The following RXFP2 variants were observed in gnomAD, a reference collection of about 807,000 sequenced individuals.
RXFP2 encodes relaxin receptor 2.
In RXFP2, 68 loss-of-function variants were observed where a neutral mutation model predicts 88.6. The ratio of observed to expected loss-of-function variants is 0.77; its 90% CI spans 0.63 to 0.94. The LOEUF is 0.94. Among genes scored for constraint, RXFP2 ranks in the 40% least tolerant of loss-of-function variants. The pLI, the probability that RXFP2 is intolerant of heterozygous loss-of-function variation, is 0.00. For missense variants in RXFP2, 791 were observed against 893.9 expected (o/e 0.88, Z 1.47); for synonymous variants, 329 against 306.8 (o/e 1.07, Z -0.76).
intron 2 of RXFP2, among the ~76,000 whole-genome samples, chr13:31,760,734 T>C (rs9549009): frequency 0.5 from 76,282 of 151,710 alleles, 19,972 homozygotes; most frequent in Admixed American, 0.6. Flanking sequence ...TTTTAATTGA[T>C]TTAGGTATTT....
intron 5 of RXFP2, among the ~76,000 whole-genome samples, chr13:31,768,022 C>G (rs987139601): frequency 2.0e-5 from 3 of 152,134 alleles, no homozygotes; most frequent in Admixed American, 6.6e-5. Flanking sequence ...CCTCTGTGGT[C>G]CCAGGCCCTG....
At chr13:31,789,338 C>A in intron 14 of RXFP2, 145 bp downstream of exon 14, 1 of 678,202 alleles carries the variant, frequency 1.5e-6, no homozygotes, top group South Asian at 1.6e-5. Context: ...CACCTTTGGT[C>A]CCTGTTCAAA....
intron 14 of RXFP2, among the ~76,000 whole-genome samples, chr13:31,789,741 C>G (rs1873710448): frequency 6.6e-6 from 1 of 152,150 alleles, no homozygotes; most frequent in African/African-American, 2.4e-5. Flanking sequence ...ACTGTGTAAT[C>G]TATGTGTTCA....
chr13:31,792,206 AG>A, intron 15 of RXFP2, among the ~76,000 whole-genome samples, 171 bp downstream of exon 15: 1 of 151,878 alleles, frequency 6.6e-6, no homozygotes, highest in East Asian at 1.9e-4. Flanking sequence ...GCTTTGTTTT[AG>A]GTTGTATGAC....
chr13:31,780,845 AC>A (rs1873233475), intron 9 of RXFP2, among the ~76,000 whole-genome samples: 2 of 152,180 alleles, frequency 1.3e-5, no homozygotes, highest in South Asian at 4.1e-4. Flanking sequence ...CAATGGGCGA[AC>A]TTGCTGAGAC....
At chr13:31,780,911 A>C (rs1286994018) in intron 9 of RXFP2, among the ~76,000 whole-genome samples, 1 of 152,198 alleles carries the variant, frequency 6.6e-6, no homozygotes, top group Non-Finnish European at 1.5e-5. Context: ...CTTGGGCAAG[A>C]ATCTGCATTT....
intron 11 of RXFP2, 134 bp downstream of exon 11, chr13:31,782,881 A>G: frequency 1.5e-6 from 1 of 663,072 alleles, no homozygotes; most frequent in Non-Finnish European, 2.7e-6. Flanking sequence ...ATCAATTAAG[A>G]AAACCAACAT....
intron 17 of RXFP2, 108 bp downstream of exon 17, chr13:31,797,527 T>A: frequency 1.2e-6 from 1 of 818,626 alleles, no homozygotes; most frequent in Non-Finnish European, 2.1e-6. Flanking sequence ...TAAAAACCAA[T>A]ACAAAGTTAT....
chr13:31,798,794 C>A (rs1015318148), intron 17 of RXFP2, among the ~76,000 whole-genome samples: 2 of 152,166 alleles, frequency 1.3e-5, no homozygotes, highest in East Asian at 1.9e-4. Context: ...AGCTGTCCCC[C>A]CAACCTGGAT....
intron 1 of RXFP2, among the ~76,000 whole-genome samples, chr13:31,746,738 A>G (rs1871435158): frequency 1.0e-5 from 1 of 99,240 alleles, no homozygotes; most frequent in Non-Finnish European, 2.1e-5. Flanking sequence ...TGCCTGGGAC[A>G]TTCTGTTTCA....
chr13:31,792,642 A>G, intron 15 of RXFP2, 36 bp from the exon 16 acceptor site: 1 of 1,604,772 alleles, frequency 6.2e-7, no homozygotes, highest in African/African-American at 1.3e-5. Context: ...GGGACATTGG[A>G]AACTGATGAC....
At chr13:31,783,193 G>A (rs1399457535) in intron 11 of RXFP2, among the ~76,000 whole-genome samples, 1 of 152,200 alleles carries the variant, frequency 6.6e-6, no homozygotes, top group East Asian at 1.9e-4. Context: ...TTATATAGCA[G>A]GTGAAGCAAA....
chr13:31,774,339 G>A (rs1056961973), intron 5 of RXFP2, among the ~76,000 whole-genome samples: 1 of 152,174 alleles, frequency 6.6e-6, no homozygotes, highest in Admixed American at 6.5e-5. Context: ...TCACCATAGT[G>A]CCAGTTTGCA....
intron 1 of RXFP2, 142 bp from the exon 2 acceptor site, chr13:31,758,116 G>A: frequency 2.3e-6 from 2 of 855,132 alleles, no homozygotes; most frequent in Non-Finnish European, 3.9e-6. Context: ...AGTTGTCATT[G>A]AGAATATTAT....
chr13:31,759,385 G>C, intron 2 of RXFP2, among the ~76,000 whole-genome samples: 1 of 132,616 alleles, frequency 7.5e-6, no homozygotes, highest in African/African-American at 2.8e-5. Flanking sequence ...GAGAAAGAAA[G>C]AAAGAAAGAA....
intron 5 of RXFP2, 131 bp from the exon 6 acceptor site, chr13:31,774,489 C>A: frequency 1.4e-6 from 1 of 697,580 alleles, no homozygotes; most frequent in East Asian, 2.7e-5. Flanking sequence ...AACATCTCCC[C>A]AACATGAGAA....
intron 16 of RXFP2, among the ~76,000 whole-genome samples, chr13:31,796,190 C>G (rs1429941544): frequency 6.7e-6 from 1 of 149,126 alleles, no homozygotes; most frequent in African/African-American, 2.4e-5. Flanking sequence ...GCTGGGACTA[C>G]AGGCGCCCGC....
Position 31,765,004 on chromosome 13 carries a change from A to G in RXFP2, c.320-33A>G, listed in dbSNP as rs561067421. ...AAAGTCATAATTAATGTATTTGTTT[A>G]CTAGTGAAATCTTACTCTTTTTGTC... On this transcript the variant is annotated intron_variant, in intron 3 of 17. Coordinates refer to ENST00000298386, the MANE Select transcript of RXFP2 (RefSeq NM_130806.5). 136 of 1,091,156 alleles carry G rather than the reference A, an allele frequency of 1.2e-4. 1 individual carries two copies. The South Asian group carries it at 1.6e-3, about 13-fold the overall frequency. 67.6% of individuals were successfully genotyped at this position (1,091,156 alleles called of 1,614,324 possible). A position where few individuals can be genotyped will look rare whatever the true frequency, so the allele number is the denominator to read the frequency against.
intron 4 of RXFP2, among the ~76,000 whole-genome samples, chr13:31,765,693 GT>G (rs1872523049): frequency 6.6e-6 from 1 of 152,090 alleles, no homozygotes; most frequent in Admixed American, 6.6e-5. Flanking sequence ...CACCCACAGA[GT>G]AAAAACAAAG....
Sources: allele counts gnomAD v4.1 joint callset (sites outside exome capture counted in the v4.1 genomes callset), GRCh38; gene constraint gnomAD v4.1.1; transcripts MANE v1.5; gene names NCBI Gene and HGNC (gene_info 2026-07-23, HGNC 2026-07-21).